Variants in TNS3 observed in about 807,000 individuals in gnomAD.
TNS3 encodes tensin 3.
In TNS3, 45 loss-of-function variants were observed where a neutral mutation model predicts 140.9. The observed-to-expected ratio is 0.32, with a 90% CI of 0.25 to 0.41. The LOEUF is 0.41. TNS3 is among the 10% of genes least tolerant of loss of function. The pLI, the probability that TNS3 is intolerant of heterozygous loss-of-function variation, is 1.00. For synonymous variants in TNS3, 815 were observed against 788.4 expected (o/e 1.03, Z -0.56); for missense variants, 1,716 against 1,906.7 (o/e 0.90, Z 1.86).
intron 17 of TNS3, among the ~76,000 whole-genome samples, chr7:47,354,034 A>ACAC (rs1562627682): frequency 1.1e-3 from 139 of 126,738 alleles, no homozygotes; most frequent in Middle Eastern, 8.9e-3. Flanking sequence ...CACACACACA[A>ACAC]ATTCCAAGGT....
At chr7:47,310,553 A>G (rs1446160075) in intron 20 of TNS3, among the ~76,000 whole-genome samples, 1 of 152,194 alleles carries the variant, frequency 6.6e-6, no homozygotes, top group Non-Finnish European at 1.5e-5. Flanking sequence ...ATTGTAAAAA[A>G]ATGATCATCA....
chr7:47,359,378 G>C (rs796497504), intron 17 of TNS3, among the ~76,000 whole-genome samples: 4 of 152,352 alleles, frequency 2.6e-5, no homozygotes, highest in African/African-American at 9.6e-5. Context: ...GTGAGTGCCA[G>C]GGGTTTGGCA....
chr7:47,575,889 C>G (rs995172670), intron 1 of TNS3, among the ~76,000 whole-genome samples: 27 of 151,452 alleles, frequency 1.8e-4, no homozygotes, highest in African/African-American at 6.3e-4. Context: ...CTGCTACTCT[C>G]CGAGTAATAC....
intron 4 of TNS3, among the ~76,000 whole-genome samples, chr7:47,471,949 T>A (rs1796972587): frequency 6.6e-6 from 1 of 152,230 alleles, no homozygotes; most frequent in African/African-American, 2.4e-5. Context: ...ACAAGGCATG[T>A]GTTCTCTCAC....
intron 20 of TNS3, among the ~76,000 whole-genome samples, chr7:47,341,432 T>TCACAA (rs1201698838): frequency 2.7e-4 from 41 of 152,312 alleles, no homozygotes; most frequent in Admixed American, 2.2e-3. Context: ...ATTCAAGTAG[T>TCACAA]CTATTTCCTA....
chr7:47,564,989 G>A (rs1427846017), intron 1 of TNS3, among the ~76,000 whole-genome samples: 1 of 152,112 alleles, frequency 6.6e-6, no homozygotes, highest in African/African-American at 2.4e-5. Flanking sequence ...AAGAAGCTCA[G>A]TCTGCATCTC....
At chr7:47,500,131 G>A (rs1798157274) in intron 3 of TNS3, among the ~76,000 whole-genome samples, 1 of 152,122 alleles carries the variant, frequency 6.6e-6, no homozygotes, top group African/African-American at 2.4e-5. Context: ...CATAGGTGGA[G>A]ACCTGCAATC....
intron 4 of TNS3, among the ~76,000 whole-genome samples, chr7:47,475,348 A>G (rs964659925): frequency 6.6e-6 from 1 of 152,256 alleles, no homozygotes; most frequent in Non-Finnish European, 1.5e-5. Flanking sequence ...CACAGACCAC[A>G]GTGGCCAAGG....
intron 16 of TNS3, among the ~76,000 whole-genome samples, chr7:47,383,956 C>T (rs141852178): frequency 6.6e-6 from 1 of 152,194 alleles, no homozygotes; most frequent in African/African-American, 2.4e-5. Flanking sequence ...CTGTGAAGTT[C>T]CTCCTCATAA....
chr7:47,375,575 A>G (rs1791331582), intron 16 of TNS3, among the ~76,000 whole-genome samples: 1 of 152,214 alleles, frequency 6.6e-6, no homozygotes, highest in African/African-American at 2.4e-5. Context: ...TGCTACTGAA[A>G]CGTGGCTTTC....
chr7:47,403,551 C>A (rs1027482663), intron 13 of TNS3: 1 of 152,192 alleles, frequency 6.6e-6, no homozygotes, highest in Non-Finnish European at 1.5e-5. Flanking sequence ...GGCTTGAGAT[C>A]CTAACGGCCT....
intron 4 of TNS3, among the ~76,000 whole-genome samples, chr7:47,449,742 A>G (rs577740858): frequency 6.6e-6 from 1 of 152,218 alleles, no homozygotes; most frequent in East Asian, 1.9e-4. Context: ...AGTAGTTGGG[A>G]TTACAGGCGC....
intron 13 of TNS3, among the ~76,000 whole-genome samples, chr7:47,409,977 G>C (rs1214152744): frequency 6.6e-6 from 1 of 152,178 alleles, no homozygotes. Context: ...TTTAAAGCTG[G>C]AACACTAGAC....
intron 20 of TNS3, among the ~76,000 whole-genome samples, chr7:47,321,942 C>A (rs1787758336): frequency 6.6e-6 from 1 of 152,132 alleles, no homozygotes; most frequent in African/African-American, 2.4e-5. Flanking sequence ...TCCCTCCTGC[C>A]CATCATCCAC....
At chr7:47,580,224 A>C (rs941380184) in intron 1 of TNS3, among the ~76,000 whole-genome samples, 4 of 152,304 alleles carry the variant, frequency 2.6e-5, no homozygotes, top group East Asian at 1.9e-4. Context: ...GTCCTGTCCC[A>C]GAATCCCAGG....
intron 10 of TNS3, among the ~76,000 whole-genome samples, chr7:47,419,863 C>T (rs1185657451): frequency 6.6e-6 from 1 of 152,100 alleles, no homozygotes; most frequent in Non-Finnish European, 1.5e-5. Flanking sequence ...CACTCAGCAG[C>T]ACCCCATTCC....
intron 4 of TNS3, among the ~76,000 whole-genome samples, chr7:47,468,659 C>T (rs1439782569): frequency 2.0e-5 from 3 of 152,120 alleles, no homozygotes; most frequent in Non-Finnish European, 4.4e-5. Flanking sequence ...AATGGCCATA[C>T]TACCCAAAGC....
intron 28 of TNS3, among the ~76,000 whole-genome samples, chr7:47,281,293 C>T (rs1192369175): frequency 6.6e-6 from 1 of 152,246 alleles, no homozygotes; most frequent in African/African-American, 2.4e-5. Flanking sequence ...TCTCCTCCGG[C>T]TCACCTGCCC....
intron 1 of TNS3, among the ~76,000 whole-genome samples, chr7:47,564,063 A>G (rs1028672970): frequency 7.9e-5 from 12 of 151,986 alleles, no homozygotes; most frequent in African/African-American, 2.7e-4. Flanking sequence ...GCATGGTGGC[A>G]GGCTCCTATA....
Sources: allele counts gnomAD v4.1 joint callset (sites outside exome capture counted in the v4.1 genomes callset), GRCh38; gene constraint gnomAD v4.1.1; transcripts MANE v1.5; gene names NCBI Gene and HGNC (gene_info 2026-07-23, HGNC 2026-07-21).